Variants in POLR3H observed in about 807,000 individuals in gnomAD.
POLR3H encodes RNA polymerase III subunit H.
POLR3H carries 17 observed loss-of-function variants against 25.5 expected under a neutral mutation model. The ratio of observed to expected loss-of-function variants is 0.67; its 90% confidence interval spans 0.46 to 1.00. POLR3H has a LOEUF of 1.00. POLR3H is among the 50% of genes least tolerant of loss of function. The pLI is 0.00. For synonymous variants in POLR3H, 129 were observed against 103.0 expected, an observed-to-expected ratio of 1.25 and a Z score of -1.53; for missense variants, 274 against 265.0, an observed-to-expected ratio of 1.03 and a Z score of -0.24.
At chr22:41,532,556 C>G in intron 3 of POLR3H, 103 bp downstream of exon 3, 1 of 1,589,726 alleles carries the variant, frequency 6.3e-7, no homozygotes, top group Non-Finnish European at 8.6e-7. Flanking sequence ...GGGGAAGGTT[C>G]GGCCTCGACA....
rs970044893 is a variant in POLR3H, at chr22:41,532,216, T to C, written c.296-59A>G. 1.1e-4 allele frequency: 168 copies of C among 1,533,336 alleles called. 1 individual carries two copies. Among genetic ancestry groups the C allele is most frequent in the South Asian group, 9.5e-4 (85 of 89,326 alleles). 95.0% of individuals were successfully genotyped at this position (1,533,336 alleles called of 1,614,324 possible). ...GGGGGTCCCAGTGGACGCCAAACAC[T>C]GCGGGGTCTTATGCTTGACAGGCAA... On this transcript the variant is annotated intron_variant, in intron 3 of 5. Transcript: ENST00000355209.
At position 41,527,909 on chromosome 22, in the gene POLR3H, C is replaced by T; in HGVS notation, c.*1374G>A. The T allele has an allele frequency of 2.5e-6, 4 of 1,614,214 alleles. No individual in the cohort carries two copies. The highest frequency in any genetic ancestry group is 2.7e-5 in the African/African-American group (2 of 75,048). On this transcript the variant is annotated 3_prime_UTR_variant, in exon 6 of 6. Coordinates refer to ENST00000355209, the MANE Select transcript of POLR3H (RefSeq NM_001018050.4). ...TGCCGCCTGCTTTCCAGAGACCAAC[C>T]TGAAGAAACAGGGCCTGCTGCCTCT...
In POLR3H at chr22:41,527,554, C is replaced by A; in HGVS notation, c.*1729G>T. On this transcript the variant is annotated 3_prime_UTR_variant, in exon 6 of 6. Coordinates refer to ENST00000355209, the MANE Select transcript of POLR3H (RefSeq NM_001018050.4). Reference sequence around the variant, plus strand: ...GCCCACAGGCCCGTCAGCCTCTTGCCCCTTCTTAGGCTCACACAGTGCACA... The same window carrying A: ...GCCCACAGGCCCGTCAGCCTCTTGCACCTTCTTAGGCTCACACAGTGCACA... 1 of 1,269,328 alleles carries A rather than the reference C, an allele frequency of 7.9e-7. No individual in the cohort carries two copies. The highest frequency in any genetic ancestry group is 2.4e-5 in the East Asian group (1 of 41,992). 78.6% of individuals were successfully genotyped at this position (1,269,328 alleles called of 1,614,324 possible). A position where few individuals can be genotyped will look rare whatever the true frequency, so the allele number is the denominator to read the frequency against.
rs2066585324 is a variant in POLR3H at position 41,525,960 on chromosome 22, T to C, written c.*3323A>G. On this transcript the variant is annotated 3_prime_UTR_variant, in exon 6 of 6. Coordinates refer to ENST00000355209, the MANE Select transcript of POLR3H (RefSeq NM_001018050.4). ...TGTCCAGCATGAGGTCTGTGGCTGA[T>C]CTTGCAGCTGAGGCCTGAAGGGTGA... 2 of 315,666 alleles carry C rather than the reference T, an allele frequency of 6.3e-6. No individual in the cohort carries two copies. The allele number at this position is 315,666 out of a possible 1,614,324, so 19.6% of individuals were successfully genotyped here.
chr22:41,527,365 GC>G lies in POLR3H; in HGVS notation c.*1917del. The G allele has an allele frequency of 6.2e-7, 1 of 1,614,012 alleles. No individual in the cohort carries two copies. The highest frequency in any genetic ancestry group is 8.5e-7 in the Non-Finnish European group (1 of 1,180,002). On this transcript the variant is annotated 3_prime_UTR_variant, in exon 6 of 6. Transcript: ENST00000355209. ...CGAGCCGGGAGCATGCAGCTCTGGA[GC>G]CTCGCCACCTTGGGGGCCGGGCCAT...
Position 41,527,824 on chromosome 22 carries a change from A to G in POLR3H, c.*1459T>C, listed in dbSNP as rs971442255. ...CAGCAGGATTAGGGGCATCTCCCAG[A>G]GCCCCAGATGGGTTCAGAAAATGAA... is the stretch of plus-strand genomic sequence containing the variant. On this transcript the variant is annotated 3_prime_UTR_variant, in exon 6 of 6. Coordinates refer to ENST00000355209, the MANE Select transcript of POLR3H (RefSeq NM_001018050.4). 16 of 1,605,878 alleles carry G rather than the reference A, an allele frequency of 1.0e-5. No homozygotes were observed. In the African/African-American group the frequency reaches 2.1e-4, roughly 22 times the overall value.
chr22:41,528,654 C>T lies in POLR3H; in HGVS notation c.*629G>A, dbSNP rs754589069. ...GCCCCGCCGCTGGCGTCAAGTTCAG[C>T]TCCACGTGTGCCATCAGTGGATCCG... On this transcript the variant is annotated 3_prime_UTR_variant, in exon 6 of 6. Transcript: ENST00000355209. 13 of 1,604,312 alleles carry T rather than the reference C, an allele frequency of 8.1e-6. No individual in the cohort carries two copies. Among genetic ancestry groups the T allele is most frequent in the Non-Finnish European group, 1.0e-5 (12 of 1,177,338 alleles).
At chr22:41,531,824 G>A (rs891103859) in intron 4 of POLR3H, among the ~76,000 whole-genome samples, 10 of 152,334 alleles carry the variant, frequency 6.6e-5, no homozygotes, top group East Asian at 1.9e-4. Flanking sequence ...GTGTCCCCCA[G>A]GACACCACAG....
At chr22:41,535,829 C>T (rs993346984) in intron 2 of POLR3H, among the ~76,000 whole-genome samples, 2 of 152,052 alleles carry the variant, frequency 1.3e-5, no homozygotes, top group African/African-American at 4.8e-5. Flanking sequence ...CAAAATTAGC[C>T]GAGCATGGTG....
At chr22:41,537,235 C>T (rs997924460) in intron 2 of POLR3H, among the ~76,000 whole-genome samples, 2 of 152,174 alleles carry the variant, frequency 1.3e-5, no homozygotes, top group African/African-American at 2.4e-5. Context: ...CAGACTTGCT[C>T]GTTGACTCCT....
rs1288063279 is a variant in POLR3H at position 41,526,562 on chromosome 22, A to G, written c.*2721T>C. The G allele has an allele frequency of 1.6e-6, 2 of 1,269,100 alleles. No homozygotes were observed. Among genetic ancestry groups the G allele is most frequent in the East Asian group, 4.9e-5 (2 of 40,826 alleles). 78.6% of individuals were successfully genotyped at this position (1,269,100 alleles called of 1,614,324 possible). A position where few individuals can be genotyped will look rare whatever the true frequency, so the allele number is the denominator to read the frequency against. ...TGGAAACTGGGAAGGAGGCCGACCA[A>G]GCCCAAAGGGGACTGCTGTGGAAGG... On this transcript the variant is annotated 3_prime_UTR_variant, in exon 6 of 6. Transcript: ENST00000355209.
intron 2 of POLR3H, among the ~76,000 whole-genome samples, chr22:41,538,132 ATTT>A (rs71184815): frequency 2.3e-5 from 3 of 129,236 alleles, no homozygotes; most frequent in African/African-American, 2.9e-5. Context: ...CACCCAAATA[ATTT>A]TTTTTTTTTT....
chr22:41,530,175 G>C (rs1249987634), intron 5 of POLR3H, among the ~76,000 whole-genome samples: 2 of 151,650 alleles, frequency 1.3e-5, no homozygotes, highest in Non-Finnish European at 2.9e-5. Context: ...TGTTGCCCAA[G>C]CTGTAATGCA....
Position 41,526,265 on chromosome 22 carries a change from A to G in POLR3H, c.*3018T>C. On this transcript the variant is annotated 3_prime_UTR_variant, in exon 6 of 6. Transcript: ENST00000355209. ...TCCTCTCTACTTACCACCCAAGGTC[A>G]AAGGGAAGTGTACCACTGACCACAT... 2 of 1,611,556 alleles carry G rather than the reference A, an allele frequency of 1.2e-6. No homozygotes were observed. The highest frequency in any genetic ancestry group is 1.7e-6 in the Non-Finnish European group (2 of 1,179,474).
rs373162867 is a variant in POLR3H at position 41,532,789 on chromosome 22, A to C, written c.209-44T>G. On this transcript the variant is annotated intron_variant, in intron 2 of 5. Transcript: ENST00000355209. ...CATCAGTGATGCTGACCGGGGCCCC[A>C]GTGCGCTCCCATGTCACCCTCAGGT... 28 of 1,598,894 alleles carry C rather than the reference A, an allele frequency of 1.8e-5. No individual in the cohort carries two copies. In the African/African-American group the frequency reaches 3.3e-4, roughly 19 times the overall value.
intron 2 of POLR3H, among the ~76,000 whole-genome samples, chr22:41,537,848 C>G (rs1285786297): frequency 2.6e-5 from 4 of 152,078 alleles, no homozygotes; most frequent in Non-Finnish European, 4.4e-5. Context: ...CTCTCTGTCA[C>G]CCAGCTGGAG....
At position 41,530,809 on chromosome 22, in the gene POLR3H, C is replaced by T. The variant is rs528511856; in HGVS notation, c.439G>A (p.Glu147Lys). Reference protein sequence around the residue: ...AHDLYMDTGEEIRFRVVDESF... With the variant: ...AHDLYMDTGEKIRFRVVDESF... ...TCGTCCACCACCCGGAAGCGGATCTCCTCGCCGGTGTCCATGTAGAGGTCG... is the reference window on the plus strand; with the variant it reads ...TCGTCCACCACCCGGAAGCGGATCTTCTCGCCGGTGTCCATGTAGAGGTCG... Residue 147 changes from glutamate to lysine, a missense_variant, in exon 5 of 6, where the codon GAG becomes AAG. Glu to Lys is a moderately conservative substitution (Grantham distance 56). Coordinates refer to ENST00000355209, the MANE Select transcript of POLR3H (RefSeq NM_001018050.4). 4 of 1,614,150 alleles carry T rather than the reference C, an allele frequency of 2.5e-6. No homozygotes were observed. Among genetic ancestry groups the T allele is most frequent in the East Asian group, 2.2e-5 (1 of 44,888 alleles).
intron 2 of POLR3H, among the ~76,000 whole-genome samples, chr22:41,538,424 C>T (rs570379041): frequency 6.6e-6 from 1 of 152,204 alleles, no homozygotes; most frequent in South Asian, 2.1e-4. Flanking sequence ...TCGTGCCTGG[C>T]TTTTTTTGTA....
intron 2 of POLR3H, among the ~76,000 whole-genome samples, chr22:41,535,951 C>T (rs2066835208): frequency 6.6e-6 from 1 of 151,986 alleles, no homozygotes; most frequent in African/African-American, 2.4e-5. Flanking sequence ...GCGTGGGCGA[C>T]AGAGTAAAAC....
Sources: allele counts gnomAD v4.1 joint callset (sites outside exome capture counted in the v4.1 genomes callset), GRCh38; gene constraint gnomAD v4.1.1; transcripts MANE v1.5; gene names NCBI Gene and HGNC (gene_info 2026-07-23, HGNC 2026-07-21).